NUDCD3: variants seen among roughly 807,000 people sequenced by gnomAD.
NUDCD3 encodes NudC domain containing 3, also known as nudC domain-containing protein 3.
Under a neutral mutation model 39.7 loss-of-function variants are expected in NUDCD3, and 13 were observed. The observed-to-expected ratio is 0.33, with a 90% CI of 0.21 to 0.52. The LOEUF (loss-of-function observed/expected upper bound fraction) is 0.52, where lower values mean the gene tolerates loss of function less well. NUDCD3 is among the 20% of genes least tolerant of loss of function. The pLI, the probability that NUDCD3 is intolerant of heterozygous loss-of-function variation, is 0.96. For missense variants in NUDCD3, 453 were observed against 458.1 expected (o/e 0.99, Z 0.10); for synonymous variants, 175 against 172.4 (o/e 1.02, Z -0.12).
At chr7:44,448,648 C>A (rs1799730568) in intron 2 of NUDCD3, among the ~76,000 whole-genome samples, 1 of 152,130 alleles carries the variant, frequency 6.6e-6, no homozygotes, top group African/African-American at 2.4e-5. Flanking sequence ...GTGACACCTT[C>A]CTGAGTCGCT....
At chr7:44,473,127 CAGTT>C (rs1488218583) in intron 2 of NUDCD3, among the ~76,000 whole-genome samples, 1 of 152,166 alleles carries the variant, frequency 6.6e-6, no homozygotes, top group African/African-American at 2.4e-5. Flanking sequence ...TACTACATGG[CAGTT>C]AGTAAACATC....
chr7:44,387,466 A>G (rs1417428900), intron 5 of NUDCD3, among the ~76,000 whole-genome samples: 1 of 152,240 alleles, frequency 6.6e-6, no homozygotes, highest in African/African-American at 2.4e-5. Context: ...CATTTTGAGA[A>G]CAAGTGCTGC....
At chr7:44,410,052 C>T (rs373722084) in intron 3 of NUDCD3, among the ~76,000 whole-genome samples, 125 of 152,110 alleles carry the variant, frequency 8.2e-4, no homozygotes, top group African/African-American at 2.9e-3. Flanking sequence ...CTGAGGGACA[C>T]TATTAAGCAT....
rs760294176 is a variant in NUDCD3, at chr7:44,427,556, C to T, written c.642+15G>A. Reference sequence around the variant, plus strand: ...TTGGGTGAAGCCGCCCACCCCTACCCGCCAAGGCCATTACCTGCTTTCCCT... The same window carrying T: ...TTGGGTGAAGCCGCCCACCCCTACCTGCCAAGGCCATTACCTGCTTTCCCT... On this transcript the variant is annotated intron_variant, in intron 3 of 5. Coordinates refer to ENST00000355451, the MANE Select transcript of NUDCD3 (RefSeq NM_015332.4). The T allele has an allele frequency of 8.7e-6, 14 of 1,609,168 alleles. No individual in the cohort carries two copies. The South Asian group carries it at 8.9e-5, about 10-fold the overall frequency.
chr7:44,483,664 A>G (rs1309855120), intron 2 of NUDCD3, among the ~76,000 whole-genome samples: 1 of 152,146 alleles, frequency 6.6e-6, no homozygotes, highest in Non-Finnish European at 1.5e-5. Context: ...AGACTCTGCA[A>G]TCTTGCCCCT....
At chr7:44,399,944 T>A (rs1172038490) in intron 4 of NUDCD3, among the ~76,000 whole-genome samples, 1 of 152,224 alleles carries the variant, frequency 6.6e-6, no homozygotes, top group African/African-American at 2.4e-5. Flanking sequence ...ATGACTTGTG[T>A]GCGCACCACG....
chr7:44,452,385 G>A (rs1161641349), intron 2 of NUDCD3, among the ~76,000 whole-genome samples: 5 of 152,228 alleles, frequency 3.3e-5, no homozygotes, highest in East Asian at 1.9e-4. Context: ...AGCTGAGATC[G>A]TGCCATTGCA....
chr7:44,490,084 C>T, intron 1 of NUDCD3: 1 of 242,152 alleles, frequency 4.1e-6, no homozygotes, highest in East Asian at 9.5e-5. Flanking sequence ...TGTAAATGTC[C>T]TTCCTTCTGT....
chr7:44,386,053 G>C lies in NUDCD3; in HGVS notation c.1044C>G (p.Asp348Glu). ...CCGGGGAGATGTTGAACATGGCAGG[G>C]TCGAATCGCTGGCCTCGGAAGGGAG... ...EGSPFRGQRF[D>E]PAMFNISPGA... Residue 348 changes from aspartate (D) to glutamate (E), a missense_variant, in exon 6 of 6, where the codon GAC becomes GAG. By Grantham distance (45) the Asp-to-Glu change is conservative (BLOSUM62 2). Transcript: ENST00000355451. The C allele has an allele frequency of 6.2e-6, 10 of 1,609,936 alleles. No homozygotes were observed. The highest frequency in any genetic ancestry group is 8.5e-6 in the Non-Finnish European group (10 of 1,176,144).
At chr7:44,468,984 G>A (rs1041633163) in intron 2 of NUDCD3, among the ~76,000 whole-genome samples, 1 of 151,880 alleles carries the variant, frequency 6.6e-6, no homozygotes, top group African/African-American at 2.4e-5. Flanking sequence ...TACAGCATGT[G>A]AAACTTACAG....
chr7:44,485,259 G>T lies in NUDCD3; in HGVS notation c.218C>A (p.Ala73Asp). ...LQVFKTFDHM[A>D]RQDDEKRRQE... ...CCTTCTCTTCTCATCATCCTGACGG[G>T]CCATGTGGTCAAAGGTTTTGAATAC... Residue 73 changes from alanine to aspartate, a missense_variant, in exon 2 of 6, where the codon GCC becomes GAC. Transcript: ENST00000355451. 1 of 1,613,012 alleles carries T rather than the reference G, an allele frequency of 6.2e-7. No homozygotes were observed. Among genetic ancestry groups the T allele is most frequent in the Non-Finnish European group, 8.5e-7 (1 of 1,179,344 alleles).
chr7:44,461,909 G>A (rs896859616), intron 2 of NUDCD3, among the ~76,000 whole-genome samples: 1 of 152,126 alleles, frequency 6.6e-6, no homozygotes, highest in Non-Finnish European at 1.5e-5. Flanking sequence ...CCGTGTAAAA[G>A]CTGTCCACAG....
chr7:44,396,864 G>T (rs879303788), intron 4 of NUDCD3, among the ~76,000 whole-genome samples: 4 of 152,072 alleles, frequency 2.6e-5, no homozygotes, highest in Non-Finnish European at 4.4e-5. Flanking sequence ...GGAGGACATG[G>T]GTACAATGTT....
At chr7:44,415,082 C>T (rs1798995647) in intron 3 of NUDCD3, among the ~76,000 whole-genome samples, 1 of 152,164 alleles carries the variant, frequency 6.6e-6, no homozygotes, top group Admixed American at 6.5e-5. Flanking sequence ...TGCAATAAGG[C>T]CATAAAACAG....
chr7:44,443,139 G>A (rs2116924809), intron 2 of NUDCD3, among the ~76,000 whole-genome samples: 1 of 152,154 alleles, frequency 6.6e-6, no homozygotes, highest in South Asian at 2.1e-4. Context: ...TGGCTGTCAT[G>A]GGAGCCCTAC....
intron 2 of NUDCD3, among the ~76,000 whole-genome samples, chr7:44,445,748 A>G (rs1799679927): frequency 6.6e-6 from 1 of 152,236 alleles, no homozygotes; most frequent in African/African-American, 2.4e-5. Context: ...AGCTGATGTA[A>G]AGCTCTATGA....
At chr7:44,451,161 G>A (rs949626485) in intron 2 of NUDCD3, among the ~76,000 whole-genome samples, 1 of 152,180 alleles carries the variant, frequency 6.6e-6, no homozygotes, top group Non-Finnish European at 1.5e-5. Context: ...TAAAAAGGAA[G>A]GACATTCTAC....
In NUDCD3 at chr7:44,385,941, G is replaced by A. The variant is rs1218455636; in HGVS notation, c.*70C>T. 5 of 801,626 alleles carry A rather than the reference G, an allele frequency of 6.2e-6. No individual in the cohort carries two copies. The East Asian group carries it at 7.3e-5, about 12-fold the overall frequency. 49.7% of individuals were successfully genotyped at this position (801,626 alleles called of 1,614,324 possible). ...GACGAGCAAGTCCCTGGAATGCAGG[G>A]AGCCAAGAAGGGCAGCCGAGGATAA... On this transcript the variant is annotated 3_prime_UTR_variant, in exon 6 of 6. Transcript: ENST00000355451.
chr7:44,426,074 G>C lies in NUDCD3; in HGVS notation c.642+1497C>G, dbSNP rs1200976655. On this transcript the variant is annotated intron_variant, in intron 3 of 5. Transcript: ENST00000355451. ...AGCCCCACAGCACACAGGCCTGGCC[G>C]TCCACTTCATCGCTGTGACCTGGGT... is the stretch of plus-strand genomic sequence containing the variant. 6.3e-6 allele frequency: 6 copies of C among 957,056 alleles called. No homozygotes were observed. The South Asian group carries it at 1.9e-4, about 31-fold the overall frequency. 59.3% of individuals were successfully genotyped at this position (957,056 alleles called of 1,614,324 possible).
Sources: allele counts gnomAD v4.1 joint callset (sites outside exome capture counted in the v4.1 genomes callset), GRCh38; gene constraint gnomAD v4.1.1; transcripts MANE v1.5; gene names NCBI Gene and HGNC (gene_info 2026-07-23, HGNC 2026-07-21).